GLYATL3: variants seen among roughly 807,000 people sequenced by gnomAD.
GLYATL3 encodes glycine N-acyltransferase-like protein 3.
In GLYATL3, 31 loss-of-function variants were observed where a neutral mutation model predicts 28.5. That is an observed-to-expected ratio of 1.09 (90% CI 0.82 to 1.47). GLYATL3 has a LOEUF of 1.47. Ranked by LOEUF, GLYATL3 falls within the 40% of genes most tolerant of loss-of-function variation. The probability of loss-of-function intolerance (pLI) is 0.00; values close to 1 mark genes in which losing one functional copy is unlikely to be tolerated. For synonymous variants in GLYATL3, 141 were observed against 140.2 expected (o/e 1.01, Z -0.04); for missense variants, 369 against 351.5 (o/e 1.05, Z -0.40).
At position 49,527,235 on chromosome 6, in the gene GLYATL3, T is replaced by TTTAACATTTG. The variant is rs1292866232; in HGVS notation, c.*327_*328insTTTGTTAACA. Among the ~76,000 whole-genome samples the TTTAACATTTG allele has an allele frequency of 1.3e-5, 2 of 152,150 alleles. No individual in the cohort carries two copies. The highest frequency in any genetic ancestry group is 4.8e-5 in the African/African-American group (2 of 41,434). On this transcript the variant is annotated 3_prime_UTR_variant, in exon 6 of 6. Transcript: ENST00000371197. ...GAAATTACTGCATGAGAACAAATGA[T>TTTAACATTTG]TTAACAGAGGACCACGTGGCTACTG...
At chr6:49,510,324 G>C (rs1359391674) in intron 1 of GLYATL3, among the ~76,000 whole-genome samples, 6 of 152,156 alleles carry the variant, frequency 3.9e-5, no homozygotes, top group Non-Finnish European at 8.8e-5. Context: ...TTACAGGCAT[G>C]AGACACCACG....
chr6:49,502,236 A>T (rs1349179833), intron 1 of GLYATL3, among the ~76,000 whole-genome samples: 2 of 152,240 alleles, frequency 1.3e-5, no homozygotes, highest in Admixed American at 6.5e-5. Context: ...ATAAACCAAT[A>T]GCACAAATTA....
chr6:49,520,043 G>A (rs1302778634), intron 4 of GLYATL3, among the ~76,000 whole-genome samples: 1 of 152,190 alleles, frequency 6.6e-6, no homozygotes. Context: ...GGTAGAAAGA[G>A]GCAGAGCAAG....
intron 1 of GLYATL3, among the ~76,000 whole-genome samples, chr6:49,505,024 C>T: frequency 6.6e-6 from 1 of 152,102 alleles, no homozygotes; most frequent in Non-Finnish European, 1.5e-5. Context: ...AACCTGACAT[C>T]GAGAACAGTG....
chr6:49,515,542 A>C lies in GLYATL3; in HGVS notation c.79-111A>C, dbSNP rs1320445300. 4.8e-6 allele frequency: 3 copies of C among 623,498 alleles called. No homozygotes were observed. The African/African-American group carries it at 5.5e-5, about 12-fold the overall frequency. The allele number at this position is 623,498 out of a possible 1,614,324, so 38.6% of individuals were successfully genotyped here. On this transcript the variant is annotated intron_variant, in intron 2 of 5. Coordinates refer to ENST00000371197, the MANE Select transcript of GLYATL3 (RefSeq NM_001010904.2). ...GAATGTATGTATATATATATTTATAATTTCCCCTCTTGTGGACATGATTAC... is the reference window on the plus strand; with the variant it reads ...GAATGTATGTATATATATATTTATACTTTCCCCTCTTGTGGACATGATTAC...
intron 4 of GLYATL3, among the ~76,000 whole-genome samples, chr6:49,518,668 C>T (rs1011385766): frequency 6.6e-6 from 1 of 152,030 alleles, no homozygotes; most frequent in Non-Finnish European, 1.5e-5. Flanking sequence ...TAGTCAGGTG[C>T]GGTGGCTCAC....
At chr6:49,512,472 T>A (rs571486855) in intron 2 of GLYATL3, among the ~76,000 whole-genome samples, 2 of 152,010 alleles carry the variant, frequency 1.3e-5, no homozygotes, top group Admixed American at 1.3e-4. Flanking sequence ...CCCTGGAAAC[T>A]ACACTTTTCA....
At chr6:49,505,896 C>T (rs972288163) in intron 1 of GLYATL3, among the ~76,000 whole-genome samples, 6 of 152,174 alleles carry the variant, frequency 3.9e-5, no homozygotes, top group Non-Finnish European at 8.8e-5. Context: ...ATTGTAAAGG[C>T]AAATTTGGGT....
chr6:49,516,720 A>G (rs2498471), intron 3 of GLYATL3, among the ~76,000 whole-genome samples: 70,603 of 151,776 alleles, frequency 0.47, 17,264 homozygotes, highest in East Asian at 0.62. Context: ...CTTGAGCCCC[A>G]GAGTCCGAGA....
At chr6:49,526,456 G>T (rs1044398743) in intron 5 of GLYATL3, 32 bp from the exon 6 acceptor site, 3 of 1,528,444 alleles carry the variant, frequency 2.0e-6, no homozygotes, top group Non-Finnish European at 2.7e-6. Flanking sequence ...TGAGTCTGAG[G>T]TCCTATTTGT....
At chr6:49,524,218 C>T (rs951454122) in intron 5 of GLYATL3, among the ~76,000 whole-genome samples, 4 of 73,218 alleles carry the variant, frequency 5.5e-5, no homozygotes, top group African/African-American at 1.9e-4. Context: ...TTTTCAAAAA[C>T]TCAATTGAAA....
chr6:49,506,905 A>AG (rs950723088), intron 1 of GLYATL3, among the ~76,000 whole-genome samples: 1 of 152,072 alleles, frequency 6.6e-6, no homozygotes, highest in African/African-American at 2.4e-5. Context: ...CTCTGAAAGA[A>AG]GGGGTCCCGG....
At chr6:49,507,041 A>T (rs1007551662) in intron 1 of GLYATL3, among the ~76,000 whole-genome samples, 4 of 152,132 alleles carry the variant, frequency 2.6e-5, no homozygotes, top group Non-Finnish European at 5.9e-5. Flanking sequence ...GGCTTAGTAG[A>T]AGAAGAGTTA....
intron 1 of GLYATL3, among the ~76,000 whole-genome samples, chr6:49,508,872 G>A (rs2127431647): frequency 6.6e-6 from 1 of 152,258 alleles, no homozygotes; most frequent in South Asian, 2.1e-4. Flanking sequence ...AGCTACTCAG[G>A]AGGCTGAGAC....
chr6:49,526,344 C>G, intron 5 of GLYATL3, 144 bp from the exon 6 acceptor site: 1 of 641,016 alleles, frequency 1.6e-6, no homozygotes, highest in East Asian at 2.9e-5. Flanking sequence ...ACCCGGGAGG[C>G]AGAGGTTGCA....
chr6:49,501,000 T>C (rs1167689313), intron 1 of GLYATL3, among the ~76,000 whole-genome samples: 2 of 152,228 alleles, frequency 1.3e-5, no homozygotes, highest in African/African-American at 4.8e-5. Flanking sequence ...CATGAACCCA[T>C]GGGGGAATGT....
intron 2 of GLYATL3, among the ~76,000 whole-genome samples, chr6:49,514,351 T>C (rs1335279272): frequency 1.3e-5 from 2 of 152,218 alleles, no homozygotes; most frequent in African/African-American, 4.8e-5. Context: ...TTCATTGCTG[T>C]TTTGTAATCT....
Position 49,517,457 on chromosome 6 carries a change from A to G in GLYATL3, c.214A>G (p.Thr72Ala). 1 of 1,546,576 alleles carries G rather than the reference A, an allele frequency of 6.5e-7. No homozygotes were observed. Among genetic ancestry groups the G allele is most frequent in the Non-Finnish European group, 8.7e-7 (1 of 1,144,168 alleles). ...EAETDNLDHY[T>A]NAYAVFYKDV... is the part of the protein sequence containing the mutation. ...TGAGACAGATAACCTTGATCATTAT[A>G]CTAATGCCTATGCTGTGTTCTACAA... Residue 72 changes from threonine (T) to alanine (A), a missense_variant, in exon 4 of 6, where the codon ACT becomes GCT. Physicochemically the swap from Thr to Ala is moderately conservative, Grantham distance 58. Coordinates refer to ENST00000371197, the MANE Select transcript of GLYATL3 (RefSeq NM_001010904.2).
intron 4 of GLYATL3, among the ~76,000 whole-genome samples, chr6:49,519,477 G>A (rs1769278087): frequency 6.6e-6 from 1 of 152,116 alleles, no homozygotes; most frequent in African/African-American, 2.4e-5. Context: ...AATGTTCTTG[G>A]AATACTGAAT....
Sources: allele counts gnomAD v4.1 joint callset (sites outside exome capture counted in the v4.1 genomes callset), GRCh38; gene constraint gnomAD v4.1.1; transcripts MANE v1.5; gene names NCBI Gene and HGNC (gene_info 2026-07-23, HGNC 2026-07-21).